Variants in CLIP4 observed in about 807,000 individuals in gnomAD.
CLIP4 encodes CAP-Gly domain containing linker protein family member 4.
A neutral mutation model predicts 73.1 loss-of-function variants in CLIP4; 47 were observed. The ratio of observed to expected loss-of-function variants is 0.64; its 90% CI spans 0.51 to 0.82. The LOEUF is 0.82. Among genes scored for constraint, CLIP4 ranks in the 40% least tolerant of loss-of-function variants. The probability of loss-of-function intolerance (pLI) is 0.00; values close to 1 mark genes in which losing one functional copy is unlikely to be tolerated. For synonymous variants in CLIP4, 306 were observed against 295.4 expected (o/e 1.04, Z -0.37); for missense variants, 874 against 852.9 (o/e 1.02, Z -0.31).
chr2:29,172,756 G>C (rs1301760483), intron 14 of CLIP4, among the ~76,000 whole-genome samples: 1 of 151,908 alleles, frequency 6.6e-6, no homozygotes, highest in African/African-American at 2.4e-5. Flanking sequence ...CTCACAACTT[G>C]TCACTCTAGA....
chr2:29,157,818 C>A (rs926939887), intron 11 of CLIP4, among the ~76,000 whole-genome samples: 2 of 152,146 alleles, frequency 1.3e-5, no homozygotes, highest in South Asian at 2.1e-4. Flanking sequence ...TGTAAAGATA[C>A]GTAAAACACT....
In CLIP4 at chr2:29,160,375, G is replaced by A; in HGVS notation, c.1442G>A (p.Cys481Tyr). 1 of 1,614,146 alleles carries A rather than the reference G, an allele frequency of 6.2e-7. No individual in the cohort carries two copies. The highest frequency in any genetic ancestry group is 8.5e-7 in the Non-Finnish European group (1 of 1,180,022). Reference sequence around the variant, plus strand: ...ACATCTACAGCAAATAATAGCCGTTGCGAGGGGGAACTCCGCCTCGGAGAG... The same window carrying A: ...ACATCTACAGCAAATAATAGCCGTTACGAGGGGGAACTCCGCCTCGGAGAG... ...SATSTANNSRCEGELRLGERV... is the reference protein window; with the variant it reads ...SATSTANNSRYEGELRLGERV... The change falls in exon 12 of 16, where the codon TGC becomes TAC. Residue 481 changes from cysteine to tyrosine, a missense_variant. Cys to Tyr is a radical substitution (Grantham distance 194). Coordinates refer to ENST00000320081, the MANE Select transcript of CLIP4 (RefSeq NM_024692.6).
At chr2:29,124,549 G>A (rs762244849) in intron 2 of CLIP4, among the ~76,000 whole-genome samples, 85 of 152,018 alleles carry the variant, frequency 5.6e-4, no homozygotes, top group Non-Finnish European at 1.1e-3. Flanking sequence ...GCTTCTCCCC[G>A]TTTTCAGATA....
chr2:29,101,284 T>C (rs1481364433), intron 1 of CLIP4, among the ~76,000 whole-genome samples: 4 of 147,058 alleles, frequency 2.7e-5, no homozygotes, highest in Non-Finnish European at 5.9e-5. Flanking sequence ...GCTTTTTTTT[T>C]TTCCCCCCCC....
rs115165992 is a variant in CLIP4 at position 29,104,175 on chromosome 2, C to T, written c.-16+6228C>T. ...TATGGACTCCCTAAGGAAAGGGACA[C>T]GTCTTATGGTATTTACTCATACTAA... On this transcript the variant is annotated intron_variant, in intron 1 of 14. Transcript: ENST00000401605. Among the ~76,000 whole-genome samples the T allele has an allele frequency of 3.4e-3, 514 of 152,300 alleles. 1 individual carries two copies. The highest frequency in any genetic ancestry group is 0.012 in the African/African-American group (486 of 41,562).
At chr2:29,145,093 G>GTTGAGAGAGCGAATTTTTAAAATTCACT (rs1572947221) in intron 7 of CLIP4, 139 bp from the exon 8 acceptor site, 24 of 635,566 alleles carry the variant, frequency 3.8e-5, no homozygotes, top group East Asian at 5.6e-5. Context: ...AAAAGGTAAT[G>GTTGAGAGAGCGAATTTTTAAAATTCACT]TTGAGAGAGC....
At chr2:29,127,188 A>G (rs907206380) in intron 2 of CLIP4, among the ~76,000 whole-genome samples, 1 of 152,096 alleles carries the variant, frequency 6.6e-6, no homozygotes, top group Admixed American at 6.5e-5. Flanking sequence ...AAGGGGCTTT[A>G]TTGGTTTTGT....
chr2:29,103,396 A>G (rs1465813054), intron 1 of CLIP4, among the ~76,000 whole-genome samples: 2 of 151,758 alleles, frequency 1.3e-5, no homozygotes, highest in African/African-American at 4.8e-5. Context: ...TTAGTCTTTA[A>G]TTCAGTATTT....
chr2:29,177,449 C>T (rs953858423), intron 15 of CLIP4, among the ~76,000 whole-genome samples: 3 of 151,106 alleles, frequency 2.0e-5, no homozygotes, highest in Non-Finnish European at 4.4e-5. Flanking sequence ...GGCATGGTGG[C>T]AGGCACCTGT....
chr2:29,142,042 G>A (rs796738227), intron 6 of CLIP4, among the ~76,000 whole-genome samples: 42 of 152,086 alleles, frequency 2.8e-4, no homozygotes, highest in African/African-American at 8.2e-4. Context: ...TCCTGTTGTC[G>A]TGTTGTTAGC....
chr2:29,162,664 A>G (rs1667365063), intron 12 of CLIP4, among the ~76,000 whole-genome samples: 1 of 152,244 alleles, frequency 6.6e-6, no homozygotes, highest in Non-Finnish European at 1.5e-5. Context: ...TAACTGTAGC[A>G]CTGAGAAATA....
chr2:29,116,282 AG>A (rs1411297032), intron 1 of CLIP4, among the ~76,000 whole-genome samples: 1 of 152,192 alleles, frequency 6.6e-6, no homozygotes, highest in Non-Finnish European at 1.5e-5. Flanking sequence ...ATTAGATGTC[AG>A]GCTGTTCACG....
At position 29,173,416 on chromosome 2, in the gene CLIP4, A is replaced by G. The variant is rs374947978; in HGVS notation, c.1724-957A>G. Among the ~76,000 whole-genome samples, 26 of 152,282 alleles carry G rather than the reference A, an allele frequency of 1.7e-4. No individual in the cohort carries two copies. The East Asian group carries it at 3.3e-3, about 19-fold the overall frequency. On this transcript the variant is annotated intron_variant, in intron 14 of 15. Transcript: ENST00000320081. ...GTTGGGGATCCTCGCTTTAACCAAG[A>G]ATCTTTTGTGAGAATCTCCATTTGG...
intron 1 of CLIP4, among the ~76,000 whole-genome samples, chr2:29,109,474 C>T (rs1355559576): frequency 6.6e-6 from 1 of 152,200 alleles, no homozygotes; most frequent in Non-Finnish European, 1.5e-5. Context: ...GTCATTAGCA[C>T]ATCCATCATC....
intron 6 of CLIP4, among the ~76,000 whole-genome samples, chr2:29,140,776 CA>C (rs1665710855): frequency 6.6e-6 from 1 of 152,216 alleles, no homozygotes; most frequent in Admixed American, 6.5e-5. Context: ...GCCATTCTAA[CA>C]GGTGTGAGAT....
rs1281997869 is a variant in CLIP4, at chr2:29,164,031, A to G, written c.1658+77A>G. On this transcript the variant is annotated intron_variant, in intron 13 of 15. Coordinates refer to ENST00000320081, the MANE Select transcript of CLIP4 (RefSeq NM_024692.6). ...TGGTTAATAGAGACACTAATTTTAT[A>G]TTAAAGATATGCTCTGATTGTAGCT... 41 of 1,181,924 alleles carry G rather than the reference A, an allele frequency of 3.5e-5. 1 individual carries two copies. In the Middle Eastern group the frequency reaches 1.0e-3, roughly 29 times the overall value. 73.2% of individuals were successfully genotyped at this position (1,181,924 alleles called of 1,614,324 possible). A position where few individuals can be genotyped will look rare whatever the true frequency, so the allele number is the denominator to read the frequency against.
chr2:29,161,486 T>C (rs914535415), intron 12 of CLIP4, among the ~76,000 whole-genome samples: 1 of 152,194 alleles, frequency 6.6e-6, no homozygotes, highest in African/African-American at 2.4e-5. Context: ...TTTACCCTAT[T>C]TGCAAGCTAA....
In CLIP4 at chr2:29,103,856, G is replaced by A. The variant is rs367570133; in HGVS notation, c.-16+5909G>A. 9.3e-4 allele frequency among the ~76,000 whole-genome samples: 142 copies of A among 152,150 alleles called. 1 individual carries two copies. The highest frequency in any genetic ancestry group is 3.3e-3 in the African/African-American group (135 of 41,488). ...AGACTCCAGAGTAGCTGAGATTACA[G>A]GTGCCCGCCACCATGCCCAGTTAAT... is the stretch of plus-strand genomic sequence containing the variant. On this transcript the variant is annotated intron_variant, in intron 1 of 14. Coordinates refer to the CLIP4 transcript ENST00000401605.
At position 29,169,652 on chromosome 2, in the gene CLIP4, T is replaced by A. The variant is rs1480940374; in HGVS notation, c.1723+2112T>A. Among the ~76,000 whole-genome samples the A allele has an allele frequency of 2.0e-5, 3 of 152,234 alleles. No homozygotes were observed. In the East Asian group the frequency reaches 5.8e-4, roughly 29 times the overall value. On this transcript the variant is annotated intron_variant, in intron 14 of 15. Transcript: ENST00000320081. ...GACGTAGTTGTACATATTTTTGGGG[T>A]ACATGTGATAATTTGATGCACGTAT...
Sources: allele counts gnomAD v4.1 joint callset (sites outside exome capture counted in the v4.1 genomes callset), GRCh38; gene constraint gnomAD v4.1.1; transcripts MANE v1.5; gene names NCBI Gene and HGNC (gene_info 2026-07-23, HGNC 2026-07-21).